The following MAP3K5 variants were observed in gnomAD, a reference collection of about 807,000 sequenced individuals.
MAP3K5 encodes mitogen-activated protein kinase kinase kinase 5, also known as ASK-1.
A neutral mutation model predicts 158.7 loss-of-function variants in MAP3K5; 56 were observed. The observed-to-expected ratio is 0.35, with a 90% CI of 0.28 to 0.44. The LOEUF is 0.44. Among genes scored for constraint, MAP3K5 ranks in the 20% least tolerant of loss-of-function variants. The pLI, the probability that MAP3K5 is intolerant of heterozygous loss-of-function variation, is 1.00. For synonymous variants in MAP3K5, 579 were observed against 601.7 expected (o/e 0.96, Z 0.55); for missense variants, 1,294 against 1,674.8 (o/e 0.77, Z 3.97).
chr6:136,600,036 T>C (rs1338104249), intron 21 of MAP3K5, among the ~76,000 whole-genome samples: 1 of 152,062 alleles, frequency 6.6e-6, no homozygotes, highest in Non-Finnish European at 1.5e-5. Flanking sequence ...TTAACAGGCC[T>C]CTACTCTGGG....
chr6:136,608,380 A>C (rs1776190182), intron 18 of MAP3K5, among the ~76,000 whole-genome samples: 1 of 152,122 alleles, frequency 6.6e-6, no homozygotes, highest in Non-Finnish European at 1.5e-5. Flanking sequence ...GGCAAAAGTG[A>C]AGCAGGAGCA....
chr6:136,688,667 T>C (rs1369962218), intron 7 of MAP3K5, among the ~76,000 whole-genome samples: 1 of 152,160 alleles, frequency 6.6e-6, no homozygotes, highest in Non-Finnish European at 1.5e-5. Context: ...GAAAAAACTC[T>C]GCTCCTTAAC....
At chr6:136,585,469 T>TTTTCTTTCTTTC (rs35799129) in intron 23 of MAP3K5, among the ~76,000 whole-genome samples, 3,147 of 131,482 alleles carry the variant, frequency 0.024, 159 homozygotes, top group African/African-American at 0.065. Flanking sequence ...CTTTCTTTTC[T>TTTTCTTTCTTTC]TTTCTTTATT....
In MAP3K5 at chr6:136,590,820, A is replaced by G. The variant is rs1456017134; in HGVS notation, c.3225+1353T>C. On this transcript the variant is annotated intron_variant, in intron 23 of 29. Coordinates refer to ENST00000359015, the MANE Select transcript of MAP3K5 (RefSeq NM_005923.4). ...CTCCCAAAGTGCTGGGATTACAGGC[A>G]TGAGCCATCACACCTGGCAAATTTG... Among the ~76,000 whole-genome samples the G allele has an allele frequency of 2.0e-5, 3 of 152,122 alleles. No homozygotes were observed. The East Asian group carries it at 5.8e-4, about 29-fold the overall frequency.
At chr6:136,611,182 G>T (rs1583271074) in intron 18 of MAP3K5, 100 bp downstream of exon 18, 4 of 501,662 alleles carry the variant, frequency 8.0e-6, no homozygotes, top group South Asian at 4.4e-5. Context: ...ACATTACTGT[G>T]TGTGAGAACA....
At chr6:136,733,538 A>C (rs1304333274) in intron 1 of MAP3K5, among the ~76,000 whole-genome samples, 1 of 152,226 alleles carries the variant, frequency 6.6e-6, no homozygotes, top group Non-Finnish European at 1.5e-5. Context: ...TCCTACCCAA[A>C]AAAGTGTTAT....
chr6:136,781,510 C>T lies in MAP3K5; in HGVS notation c.448+10200G>A, dbSNP rs575226655. On this transcript the variant is annotated intron_variant, in intron 1 of 29. Coordinates refer to ENST00000359015, the MANE Select transcript of MAP3K5 (RefSeq NM_005923.4). The stretch of plus-strand genomic sequence containing the variant: ...GAAATGTTTTTCACTGCAGGTGGAA[C>T]GGTAGTATAGAGAACGAAACATCTG... Among the ~76,000 whole-genome samples the T allele has an allele frequency of 8.5e-5, 13 of 152,260 alleles. 1 individual carries two copies. The highest frequency in any genetic ancestry group is 6.2e-4 in the South Asian group (3 of 4,828).
At chr6:136,663,896 C>T (rs1226545767) in intron 8 of MAP3K5, among the ~76,000 whole-genome samples, 1 of 152,096 alleles carries the variant, frequency 6.6e-6, no homozygotes, top group Non-Finnish European at 1.5e-5. Flanking sequence ...CAGGCATGAG[C>T]CACCATGTCC....
chr6:136,707,762 G>A (rs4896214), intron 2 of MAP3K5, among the ~76,000 whole-genome samples: 86,828 of 152,050 alleles, frequency 0.57, 25,971 homozygotes, highest in African/African-American at 0.75. Flanking sequence ...GTATCAGCAC[G>A]TATTGGGGCA....
intron 8 of MAP3K5, among the ~76,000 whole-genome samples, chr6:136,664,649 T>C (rs1053844819): frequency 5.3e-5 from 8 of 152,190 alleles, no homozygotes; most frequent in African/African-American, 1.9e-4. Flanking sequence ...TTGGTGACAA[T>C]ATTTCACAAG....
chr6:136,748,277 T>C (rs999242818), intron 1 of MAP3K5, among the ~76,000 whole-genome samples: 18 of 152,326 alleles, frequency 1.2e-4, no homozygotes, highest in Admixed American at 1.2e-3. Context: ...AAAATGTCAA[T>C]ATTTATCACT....
chr6:136,604,866 GTTC>G (rs1776037423), intron 19 of MAP3K5, among the ~76,000 whole-genome samples: 1 of 151,978 alleles, frequency 6.6e-6, no homozygotes, highest in South Asian at 2.1e-4. Context: ...TATAAAAAAA[GTTC>G]TTCTATCTTC....
At chr6:136,635,478 A>T (rs1016254044) in intron 14 of MAP3K5, among the ~76,000 whole-genome samples, 2 of 152,140 alleles carry the variant, frequency 1.3e-5, no homozygotes, top group African/African-American at 4.8e-5. Context: ...TTTTTTTCCA[A>T]ATTAGGCCTG....
intron 14 of MAP3K5, among the ~76,000 whole-genome samples, chr6:136,631,954 G>A (rs1031725000): frequency 2.6e-5 from 4 of 152,152 alleles, no homozygotes; most frequent in Admixed American, 6.5e-5. Context: ...TAAGAGAACA[G>A]AGAAAAGCAA....
chr6:136,568,648 G>A (rs1027494161), intron 25 of MAP3K5, among the ~76,000 whole-genome samples: 1 of 152,116 alleles, frequency 6.6e-6, no homozygotes, highest in African/African-American at 2.4e-5. Flanking sequence ...GCCAAGGCAG[G>A]CATATCATGA....
At chr6:136,736,170 G>C (rs112645845) in intron 1 of MAP3K5, among the ~76,000 whole-genome samples, 1 of 152,212 alleles carries the variant, frequency 6.6e-6, no homozygotes, top group African/African-American at 2.4e-5. Context: ...AATCCAGTTG[G>C]ATCTAAGAAG....
intron 14 of MAP3K5, among the ~76,000 whole-genome samples, chr6:136,630,026 C>T (rs1777264720): frequency 6.6e-6 from 1 of 152,110 alleles, no homozygotes; most frequent in South Asian, 2.1e-4. Flanking sequence ...GCTGGGATTA[C>T]AGGCATGAGC....
chr6:136,618,848 A>G (rs916134169), intron 15 of MAP3K5, among the ~76,000 whole-genome samples: 2 of 152,248 alleles, frequency 1.3e-5, no homozygotes, highest in Admixed American at 6.5e-5. Flanking sequence ...GAATGAAACT[A>G]CACATGCGGC....
Position 136,592,611 on chromosome 6 carries a change from T to C in MAP3K5, c.2882A>G (p.Tyr961Cys), listed in dbSNP as rs148954590. ...LSALSAGSNE[Y>C]LRSISLPVPV... Reference sequence around the variant, plus strand: ...TACCGGCAAGGATATACTCCTGAGATATTCTGCTTGTGATGAGAGGAGGGA... The same window carrying C: ...TACCGGCAAGGATATACTCCTGAGACATTCTGCTTGTGATGAGAGGAGGGA... Residue 961 changes from tyrosine to cysteine, a missense_variant, in exon 22 of 30, where the codon TAT becomes TGT. Physicochemically the swap from Tyr to Cys is radical, Grantham distance 194. Around this residue, in one of 5 missense-constraint regions of MAP3K5, gnomAD observed 362 missense variants for 463.2 expected, o/e 0.78. Coordinates refer to ENST00000359015, the MANE Select transcript of MAP3K5 (RefSeq NM_005923.4). 1 of 1,612,838 alleles carries C rather than the reference T, an allele frequency of 6.2e-7. No homozygotes were observed. Among genetic ancestry groups the C allele is most frequent in the Non-Finnish European group, 8.5e-7 (1 of 1,179,002 alleles).
Sources: allele counts gnomAD v4.1 joint callset (sites outside exome capture counted in the v4.1 genomes callset), GRCh38; gene constraint gnomAD v4.1.1; regional missense constraint gnomAD v4.1.1; transcripts MANE v1.5; gene names NCBI Gene and HGNC (gene_info 2026-07-23, HGNC 2026-07-21).